The following ADGRB2 variants were observed in gnomAD, a reference collection of about 807,000 sequenced individuals.
ADGRB2 encodes the protein brain-specific angiogenesis inhibitor 2.
In ADGRB2, 47 loss-of-function variants were observed where a neutral mutation model predicts 178.7. The ratio of observed to expected loss-of-function variants is 0.26; its 90% confidence interval spans 0.21 to 0.34. ADGRB2 has a LOEUF of 0.34. Among genes scored for constraint, ADGRB2 ranks in the 10% least tolerant of loss-of-function variants. The pLI is 1.00. For synonymous variants in ADGRB2, 870 were observed against 912.4 expected (o/e 0.95, Z 0.84); for missense variants, 1,584 against 2,180.8 (o/e 0.73, Z 5.45).
chr1:31,737,974 CAT>C (rs1332067264), intron 18 of ADGRB2, among the ~76,000 whole-genome samples: 3 of 152,204 alleles, frequency 2.0e-5, no homozygotes, highest in Non-Finnish European at 4.4e-5. Flanking sequence ...CAGACACACA[CAT>C]GTGCACACAC....
In ADGRB2 at chr1:31,753,531, C is replaced by T. The variant is rs1646686025; in HGVS notation, c.838+2468G>A. On this transcript the variant is annotated intron_variant, in intron 4 of 32. Coordinates refer to ENST00000373658, the MANE Select transcript of ADGRB2 (RefSeq NM_001364857.2). This position sits in a 1 kb window ranked among gnomAD's most constrained non-coding sequence, Gnocchi z 4.1. ...CCCAGAGAAGATGAACACAGCTTCC[C>T]TGCCCTGGTGCCTGGGAGAGGGGCC... Among the ~76,000 whole-genome samples the T allele has an allele frequency of 6.6e-6, 1 of 152,196 alleles. No homozygotes were observed. Among genetic ancestry groups the T allele is most frequent in the Admixed American group, 6.5e-5 (1 of 15,284 alleles).
chr1:31,740,266 G>C lies in ADGRB2; in HGVS notation c.1989+81C>G, dbSNP rs531940781. On this transcript the variant is annotated intron_variant, in intron 12 of 32. Transcript: ENST00000373658. The surrounding 1 kb of genome is among the most constrained non-coding windows in gnomAD (Gnocchi z 5.9). The stretch of plus-strand genomic sequence containing the variant: ...TATAGCCACACTTGCCGCCTCTACA[G>C]CAGACTCTGCCTAGGGGCCTGGCCT... 1 of 1,606,452 alleles carries C rather than the reference G, an allele frequency of 6.2e-7. No homozygotes were observed. Among genetic ancestry groups the C allele is most frequent in the South Asian group, 1.1e-5 (1 of 90,542 alleles).
chr1:31,752,145 C>T (rs1312436003), intron 4 of ADGRB2, among the ~76,000 whole-genome samples: 2 of 152,188 alleles, frequency 1.3e-5, no homozygotes, highest in African/African-American at 2.4e-5. Context: ...CCCTCCCCCA[C>T]CGGTGGGCAG....
rs1176203226 is a variant in ADGRB2, at chr1:31,755,062, G to A, written c.838+937C>T. ...AAATGGGGAAACTGAGGCCCAGAGAGAGGAGAGGCCTCCCTGTCGGTACCA... is the reference window on the plus strand; with the variant it reads ...AAATGGGGAAACTGAGGCCCAGAGAAAGGAGAGGCCTCCCTGTCGGTACCA... On this transcript the variant is annotated intron_variant, in intron 4 of 32. Coordinates refer to ENST00000373658, the MANE Select transcript of ADGRB2 (RefSeq NM_001364857.2). The surrounding 1 kb of genome is among the most constrained non-coding windows in gnomAD (Gnocchi z 5.1). 1.3e-5 allele frequency among the ~76,000 whole-genome samples: 2 copies of A among 152,360 alleles called. No individual in the cohort carries two copies. Among genetic ancestry groups the A allele is most frequent in the South Asian group, 2.1e-4 (1 of 4,828 alleles).
intron 4 of ADGRB2, among the ~76,000 whole-genome samples, chr1:31,749,077 G>A (rs907522659): frequency 3.3e-5 from 5 of 152,164 alleles, no homozygotes; most frequent in African/African-American, 9.7e-5. Flanking sequence ...ATGGGACCCC[G>A]AGTCACTCCC....
chr1:31,753,673 G>A lies in ADGRB2; in HGVS notation c.838+2326C>T, dbSNP rs1646693164. On this transcript the variant is annotated intron_variant, in intron 4 of 32. Coordinates refer to ENST00000373658, the MANE Select transcript of ADGRB2 (RefSeq NM_001364857.2). This position sits in a 1 kb window ranked among gnomAD's most constrained non-coding sequence, Gnocchi z 4.1. ...GCCCAGTGGGGAGGAGACAAGGGGAGGAATGGAGGGGGCCAAAGGCTCGGC... is the reference window on the plus strand; with the variant it reads ...GCCCAGTGGGGAGGAGACAAGGGGAAGAATGGAGGGGGCCAAAGGCTCGGC... Among the ~76,000 whole-genome samples the A allele has an allele frequency of 6.6e-6, 1 of 152,252 alleles. No individual in the cohort carries two copies.
intron 29 of ADGRB2, 115 bp downstream of exon 29, chr1:31,730,685 C>T (rs1645234630): frequency 1.5e-6 from 2 of 1,331,148 alleles, no homozygotes; most frequent in South Asian, 4.8e-5. Flanking sequence ...AGTGTATCCA[C>T]TCCCAGTGAC....
intron 1 of ADGRB2, chr1:31,760,695 C>T (rs1453476435): frequency 2.0e-5 from 3 of 152,422 alleles, no homozygotes; most frequent in African/African-American, 7.2e-5. Flanking sequence ...TCCGCCTCCC[C>T]GGCGCTCGCC....
Position 31,728,456 on chromosome 1 carries a change from G to A in ADGRB2, c.4416+142C>T, listed in dbSNP as rs1034087499. 50 of 1,404,898 alleles carry A rather than the reference G, an allele frequency of 3.6e-5. No individual in the cohort carries two copies. The highest frequency in any genetic ancestry group is 4.8e-5 in the Non-Finnish European group (48 of 995,660). The allele number at this position is 1,404,898 out of a possible 1,614,324, so 87.0% of individuals were successfully genotyped here. A position where few individuals can be genotyped will look rare whatever the true frequency, so the allele number is the denominator to read the frequency against. On this transcript the variant is annotated intron_variant, in intron 30 of 32. Transcript: ENST00000373658. This position sits in a 1 kb window ranked among gnomAD's most constrained non-coding sequence, Gnocchi z 6.7. ...TGGGCTTGGGCAGGGAGGGAATCAT[G>A]GGAAGATCCCACGGAACCCCCGGGC...
At position 31,740,841 on chromosome 1, in the gene ADGRB2, C is replaced by G. The variant is rs1645903228; in HGVS notation, c.1795-300G>C. On this transcript the variant is annotated intron_variant, in intron 11 of 32. Transcript: ENST00000373658. The surrounding 1 kb of genome is among the most constrained non-coding windows in gnomAD (Gnocchi z 5.9). ...TATGGGAACAGGGTACCTCCCCATC[C>G]CAAAGGGGTCATGTACATTCTGGAG... is the stretch of plus-strand genomic sequence containing the variant. Among the ~76,000 whole-genome samples, 1 of 150,890 alleles carries G rather than the reference C, an allele frequency of 6.6e-6. No individual in the cohort carries two copies. The highest frequency in any genetic ancestry group is 6.6e-5 in the Admixed American group (1 of 15,156).
chr1:31,731,140 G>C lies in ADGRB2; in HGVS notation c.4040C>G (p.Ser1347Cys). Residue 1347 changes from serine (S) to cysteine (C), a missense_variant, in exon 29 of 33, where the codon TCT becomes TGT. Coordinates refer to ENST00000373658, the MANE Select transcript of ADGRB2 (RefSeq NM_001364857.2). The part of the protein sequence containing the change: ...LTWLRPTEPG[S>C]EGDYMVLPRR... The stretch of plus-strand genomic sequence containing the variant: ...GGGCAGCACCATGTAGTCTCCCTCA[G>C]AGCCTGGCTCAGTGGGCCGCAGCCA... 1 of 1,593,572 alleles carries C rather than the reference G, an allele frequency of 6.3e-7. No homozygotes were observed. Among genetic ancestry groups the C allele is most frequent in the Non-Finnish European group, 8.5e-7 (1 of 1,170,744 alleles).
intron 1 of ADGRB2, among the ~76,000 whole-genome samples, chr1:31,762,903 C>T (rs1170235692): frequency 2.0e-5 from 3 of 152,310 alleles, no homozygotes; most frequent in Non-Finnish European, 4.4e-5. Context: ...GGGCGCCCCT[C>T]CCCCCGGCGG....
chr1:31,732,103 C>T lies in ADGRB2; in HGVS notation c.3760+12G>A, dbSNP rs757374324. ...CCCAGGACCATTCTCAGTTCTGCCA[C>T]GGCACACTCACCTGTTTGACAAGCC... On this transcript the variant is annotated intron_variant, in intron 28 of 32. Coordinates refer to ENST00000373658, the MANE Select transcript of ADGRB2 (RefSeq NM_001364857.2). 9.9e-6 allele frequency: 16 copies of T among 1,614,016 alleles called. No homozygotes were observed. The African/African-American group carries it at 1.1e-4, about 11-fold the overall frequency.
In ADGRB2 at chr1:31,736,386, C is replaced by G. The variant is rs200822256; in HGVS notation, c.3135G>C (p.Leu1045=). Residue 1045 remains leucine, a synonymous_variant, in exon 22 of 33, where the codon CTG becomes CTC. Transcript: ENST00000373658. ...CAGACACGGCCACCACCAGGGCAGG[C>G]AGACCTGGGGGAGCAGGGGTGCCAG... ...RKRFLCLGWG[L]PALVVAVSVG... is the part of the protein sequence containing the mutation. The G allele has an allele frequency of 6.4e-5, 103 of 1,613,928 alleles. No homozygotes were observed. In the East Asian group the frequency reaches 1.3e-3, roughly 20 times the overall value.
chr1:31,751,688 A>C (rs1646579959), intron 4 of ADGRB2, among the ~76,000 whole-genome samples: 1 of 152,138 alleles, frequency 6.6e-6, no homozygotes, highest in East Asian at 1.9e-4. Context: ...ACTTATTTTT[A>C]ATATATTAAA....
At chr1:31,731,456 A>C (rs1406738423) in intron 28 of ADGRB2, 37 bp from the exon 29 acceptor site, 7 of 1,535,892 alleles carry the variant, frequency 4.6e-6, no homozygotes, top group Non-Finnish European at 6.1e-6. Context: ...GTGAGTCCTG[A>C]GGAGAAGGAA....
At chr1:31,738,692 C>T in intron 16 of ADGRB2, 62 bp from the exon 17 acceptor site, 1 of 1,604,158 alleles carries the variant, frequency 6.2e-7, no homozygotes, top group Non-Finnish European at 8.5e-7. Flanking sequence ...CCACCACTGC[C>T]CATGCCATGG....
At position 31,744,867 on chromosome 1, in the gene ADGRB2, T is replaced by C; in HGVS notation, c.839-136A>G. 1.2e-6 allele frequency: 1 copy of C among 807,762 alleles called. No individual in the cohort carries two copies. The highest frequency in any genetic ancestry group is 1.7e-5 in the African/African-American group (1 of 59,236). 50.0% of individuals were successfully genotyped at this position (807,762 alleles called of 1,614,324 possible). A position where few individuals can be genotyped will look rare whatever the true frequency, so the allele number is the denominator to read the frequency against. The stretch of plus-strand genomic sequence containing the variant: ...TGCATGATGCTCTCTCAGGATCACA[T>C]TCTGCCCTCTGCCCCACCACCACTA... On this transcript the variant is annotated intron_variant, in intron 4 of 32. Coordinates refer to ENST00000373658, the MANE Select transcript of ADGRB2 (RefSeq NM_001364857.2). This position sits in a 1 kb window ranked among gnomAD's most constrained non-coding sequence, Gnocchi z 6.7.
In ADGRB2 at chr1:31,740,493, TGCCCTC is replaced by T; in HGVS notation, c.1837_1842del (p.Glu613_Gly614del). On this transcript the variant is annotated inframe_deletion, in exon 12 of 33. Transcript: ENST00000373658. This position sits in a 1 kb window ranked among gnomAD's most constrained non-coding sequence, Gnocchi z 5.9. ...TGCAGGCTGCGCACCACCTGCGACATGCCCTCGCCTGCCAGCATGCGCTGCCCCTTG... is the reference window on the plus strand; with the variant it reads ...TGCAGGCTGCGCACCACCTGCGACATGCCTGCCAGCATGCGCTGCCCCTTG... The T allele has an allele frequency of 6.2e-7, 1 of 1,612,590 alleles. No homozygotes were observed. Among genetic ancestry groups the T allele is most frequent in the Non-Finnish European group, 8.5e-7 (1 of 1,179,648 alleles).
Sources: allele counts gnomAD v4.1 joint callset (sites outside exome capture counted in the v4.1 genomes callset), GRCh38; gene constraint gnomAD v4.1.1; non-coding constraint Gnocchi (gnomAD v3.1); transcripts MANE v1.5; gene names NCBI Gene and HGNC (gene_info 2026-07-23, HGNC 2026-07-21).